Variants in OTOP3 observed in about 807,000 individuals in gnomAD.
OTOP3 encodes the protein otopetrin 3.
OTOP3 carries 41 observed loss-of-function variants against 50.8 expected under a neutral mutation model. That is an observed-to-expected ratio of 0.81 (90% CI 0.63 to 1.05). The LOEUF is 1.05. Among genes scored for constraint, OTOP3 ranks in the 50% least tolerant of loss-of-function variants. The probability of loss-of-function intolerance (pLI) is 0.00; values close to 1 mark genes in which losing one functional copy is unlikely to be tolerated. For synonymous variants in OTOP3, 320 were observed against 324.4 expected, an observed-to-expected ratio of 0.99 and a Z score of 0.14; for missense variants, 788 against 760.8, an observed-to-expected ratio of 1.04 and a Z score of -0.42.
chr17:74,937,113 C>T (rs1259349931), intron 1 of OTOP3, among the ~76,000 whole-genome samples: 1 of 151,978 alleles, frequency 6.6e-6, no homozygotes, highest in East Asian at 1.9e-4. Flanking sequence ...CAGGTGCATG[C>T]CACTACACCT....
Position 74,947,361 on chromosome 17 carries a change from G to A in OTOP3, c.1452G>A (p.Leu484=), listed in dbSNP as rs1294156783. 3.7e-6 allele frequency: 6 copies of A among 1,613,044 alleles called. No homozygotes were observed. Among genetic ancestry groups the A allele is most frequent in the Non-Finnish European group, 5.1e-6 (6 of 1,180,010 alleles). The part of the protein sequence containing the change: ...EPPRRGSLLE[L]GQGLQRASLA... ...CCCGCAGAGGCTCCTTGCTGGAGCT[G>A]GGCCAGGGCCTGCAGCGGGCCTCAC... Residue 484 remains leucine, a synonymous_variant, in exon 6 of 7, where the codon CTG becomes CTA. Transcript: ENST00000328801.
chr17:74,941,997 TTGTCTTCTC>T lies in OTOP3; in HGVS notation c.538_546del (p.Phe180_Val182del). The T allele has an allele frequency of 3.1e-6, 5 of 1,613,450 alleles. 1 individual carries two copies. Among genetic ancestry groups the T allele is most frequent in the Non-Finnish European group, 4.2e-6 (5 of 1,179,690 alleles). On this transcript the variant is annotated inframe_deletion, in exon 3 of 7. Transcript: ENST00000328801. Reference sequence around the variant, plus strand: ...ATCCGCTGCAAGTCACAGCTGGACCTTGTCTTCTCTGTCATCGAGATGGTCTTCATCGGC... The same window carrying T: ...ATCCGCTGCAAGTCACAGCTGGACCTTGTCATCGAGATGGTCTTCATCGGC...
intron 4 of OTOP3, 23 bp from the exon 5 acceptor site, chr17:74,943,580 TGAG>T: frequency 6.2e-7 from 1 of 1,606,862 alleles, no homozygotes; most frequent in Non-Finnish European, 8.5e-7. Context: ...CCAGGGTGTG[TGAG>T]AAGAGTGTGG....
chr17:74,946,997 C>T lies in OTOP3; in HGVS notation c.1088C>T (p.Ala363Val), dbSNP rs750207953. Residue 363 changes from alanine to valine, a missense_variant, in exon 6 of 7, where the codon GCT becomes GTT. By Grantham distance (64) the Ala-to-Val change is moderately conservative (BLOSUM62 0). Coordinates refer to ENST00000328801, the MANE Select transcript of OTOP3 (RefSeq NM_001272005.2). ...YFTLYYAFYVAVLPTMSLACL... is the reference protein window; with the variant it reads ...YFTLYYAFYVVVLPTMSLACL... ...ACCCTCTACTATGCCTTCTATGTGG[C>T]TGTGCTGCCCACCATGAGTCTGGCG... 18 of 1,613,922 alleles carry T rather than the reference C, an allele frequency of 1.1e-5. No individual in the cohort carries two copies. The highest frequency in any genetic ancestry group is 1.6e-4 in the Middle Eastern group (1 of 6,062).
chr17:74,944,014 G>A (rs2039202818), intron 5 of OTOP3, among the ~76,000 whole-genome samples: 1 of 152,148 alleles, frequency 6.6e-6, no homozygotes, highest in African/African-American at 2.4e-5. Flanking sequence ...AAGTCCTTCA[G>A]GTATGCACCC....
intron 3 of OTOP3, 94 bp from the exon 4 acceptor site, chr17:74,943,192 C>A: frequency 9.0e-7 from 1 of 1,108,642 alleles, no homozygotes; most frequent in Non-Finnish European, 1.4e-6. Flanking sequence ...CTCCCTGTGT[C>A]TTTCACTGTA....
At chr17:74,938,426 G>A (rs2039139681) in intron 1 of OTOP3, among the ~76,000 whole-genome samples, 1 of 152,254 alleles carries the variant, frequency 6.6e-6, no homozygotes, top group Non-Finnish European at 1.5e-5. Context: ...ATGCTGACGA[G>A]GGAAGGCCGC....
chr17:74,949,543 C>A lies in OTOP3; in HGVS notation c.*127C>A. 9.1e-7 allele frequency: 1 copy of A among 1,097,078 alleles called. No individual in the cohort carries two copies. Among genetic ancestry groups the A allele is most frequent in the Non-Finnish European group, 1.3e-6 (1 of 784,014 alleles). The allele number at this position is 1,097,078 out of a possible 1,614,324, so 68.0% of individuals were successfully genotyped here. A position where few individuals can be genotyped will look rare whatever the true frequency, so the allele number is the denominator to read the frequency against. Reference sequence around the variant, plus strand: ...GAGGCTCTCAAGGCCTCCTGCTCCCCAGAGCCTCACTGAAGGGGAGGGCAC... The same window carrying A: ...GAGGCTCTCAAGGCCTCCTGCTCCCAAGAGCCTCACTGAAGGGGAGGGCAC... On this transcript the variant is annotated 3_prime_UTR_variant, in exon 7 of 7. Transcript: ENST00000328801.
chr17:74,940,053 C>T (rs1014321150), intron 1 of OTOP3, among the ~76,000 whole-genome samples: 3 of 149,564 alleles, frequency 2.0e-5, no homozygotes, highest in Admixed American at 1.3e-4. Context: ...GGACTATAGG[C>T]ATTAAACCAT....
At position 74,943,275 on chromosome 17, in the gene OTOP3, G is replaced by A. The variant is rs1427483579; in HGVS notation, c.574-11G>A. The A allele has an allele frequency of 1.9e-6, 3 of 1,614,160 alleles. No homozygotes were observed. Among genetic ancestry groups the A allele is most frequent in the Non-Finnish European group, 2.5e-6 (3 of 1,179,990 alleles). On this transcript the variant is annotated splice_polypyrimidine_tract_variant and intron_variant, in intron 3 of 6. Transcript: ENST00000328801. ...CACCAGCCCCTGGGCTCAAGGCCCT[G>A]TCTCTTTCAGACCTGGGTGCTCTGG...
intron 1 of OTOP3, among the ~76,000 whole-genome samples, chr17:74,941,185 C>T (rs1598603318): frequency 6.6e-6 from 1 of 152,154 alleles, no homozygotes; most frequent in Non-Finnish European, 1.5e-5. Context: ...ATGTGCAGCA[C>T]GAGAGGTTTC....
intron 5 of OTOP3, among the ~76,000 whole-genome samples, chr17:74,944,617 C>T (rs1034589624): frequency 6.6e-6 from 1 of 152,126 alleles, no homozygotes; most frequent in African/African-American, 2.4e-5. Context: ...ATTACCCAGG[C>T]ATGGTTGTGG....
chr17:74,940,819 C>A lies in OTOP3; in HGVS notation c.20-574C>A, dbSNP rs182370752. On this transcript the variant is annotated intron_variant, in intron 1 of 6. Coordinates refer to ENST00000328801, the MANE Select transcript of OTOP3 (RefSeq NM_001272005.2). Reference sequence around the variant, plus strand: ...CTGGTCTAGACCTTTTAAAAGTAATCATATAGGTGCTTGTATGTTCCCATA... The same window carrying A: ...CTGGTCTAGACCTTTTAAAAGTAATAATATAGGTGCTTGTATGTTCCCATA... Among the ~76,000 whole-genome samples, 21 of 152,298 alleles carry A rather than the reference C, an allele frequency of 1.4e-4. No individual in the cohort carries two copies. In the East Asian group the frequency reaches 3.9e-3, roughly 28 times the overall value.
chr17:74,936,960 CCTTTTTT>C (rs2039124031), intron 1 of OTOP3, among the ~76,000 whole-genome samples: 1 of 39,446 alleles, frequency 2.5e-5, no homozygotes, highest in Admixed American at 2.9e-4. Context: ...ACCCCCCCAC[CCTTTTTT>C]TTTTTTTTTT....
chr17:74,946,095 A>G (rs1229481607), intron 5 of OTOP3, among the ~76,000 whole-genome samples: 1 of 151,920 alleles, frequency 6.6e-6, no homozygotes, highest in Non-Finnish European at 1.5e-5. Flanking sequence ...CTTCTGCCTC[A>G]GCCTCCCGAG....
chr17:74,940,088 T>TACAC (rs35662550), intron 1 of OTOP3, among the ~76,000 whole-genome samples: 2,488 of 122,266 alleles, frequency 0.02, 83 homozygotes, highest in African/African-American at 0.073. Flanking sequence ...ATATATATTA[T>TACAC]ACACACACAC....
intron 3 of OTOP3, 142 bp downstream of exon 3, chr17:74,942,179 C>A: frequency 1.9e-6 from 2 of 1,041,140 alleles, no homozygotes; most frequent in Non-Finnish European, 2.7e-6. Flanking sequence ...ACACACCACA[C>A]CCCTCACACA....
Position 74,949,713 on chromosome 17 carries a change from T to A in OTOP3, c.*297T>A. 2.8e-6 allele frequency: 1 copy of A among 360,572 alleles called. No individual in the cohort carries two copies. Among genetic ancestry groups the A allele is most frequent in the South Asian group, 4.7e-5 (1 of 21,104 alleles). 22.3% of individuals were successfully genotyped at this position (360,572 alleles called of 1,614,324 possible). A position where few individuals can be genotyped will look rare whatever the true frequency, so the allele number is the denominator to read the frequency against. On this transcript the variant is annotated 3_prime_UTR_variant, in exon 7 of 7. Coordinates refer to ENST00000328801, the MANE Select transcript of OTOP3 (RefSeq NM_001272005.2). ...CCCCAGGAGGCTGGCAGGGGCCCCC[T>A]CACGGCTACTCTGTGGGAGGGTCAG...
Position 74,941,901 on chromosome 17 carries a change from GTTC to G in OTOP3, c.438_440del (p.Ser147del), listed in dbSNP as rs2039179688. ...AACGCCCGCCCACATGTCCGGCCAG[GTTC>G]CCTAGTGCTCTTCGGCAGCTGCACC... On this transcript the variant is annotated inframe_deletion and splice_region_variant, in exon 3 of 7. Coordinates refer to ENST00000328801, the MANE Select transcript of OTOP3 (RefSeq NM_001272005.2). 2 of 1,603,398 alleles carry G rather than the reference GTTC, an allele frequency of 1.2e-6. No individual in the cohort carries two copies. The highest frequency in any genetic ancestry group is 1.7e-5 in the Admixed American group (1 of 59,522).
Sources: gnomAD v4.1 joint callset for allele counts (sites outside exome capture counted in the v4.1 genomes callset) on GRCh38, gnomAD v4.1.1 for gene constraint, MANE v1.5 for transcripts, NCBI Gene and HGNC (gene_info 2026-07-23, HGNC 2026-07-21) for gene names.